The following JAM2 variants were observed in gnomAD, a reference collection of about 807,000 sequenced individuals.
The protein encoded by JAM2 is junctional adhesion molecule 2.
Under a neutral mutation model 42.0 loss-of-function variants are expected in JAM2, and 17 were observed. That is an observed-to-expected ratio of 0.40 (90% CI 0.28 to 0.61). JAM2 has a LOEUF of 0.61. JAM2 is among the 20% of genes least tolerant of loss of function. The pLI is 0.37. For synonymous variants in JAM2, 118 were observed against 128.6 expected, an observed-to-expected ratio of 0.92 and a Z score of 0.56; for missense variants, 319 against 358.3, an observed-to-expected ratio of 0.89 and a Z score of 0.89.
At chr21:25,641,814 C>T (rs2032452795) in intron 1 of JAM2, among the ~76,000 whole-genome samples, 1 of 152,044 alleles carries the variant, frequency 6.6e-6, no homozygotes, top group African/African-American at 2.4e-5. Flanking sequence ...TTTAGTTGTC[C>T]TGATTCCTTA....
rs574463086 is a variant in JAM2, at chr21:25,716,822, A to T, written c.*2150A>T. 92 of 152,276 alleles carry T rather than the reference A, an allele frequency of 6.0e-4. 1 individual carries two copies. Among genetic ancestry groups the T allele is most frequent in the African/African-American group, 2.1e-3 (87 of 41,550 alleles). 9.4% of individuals were successfully genotyped at this position (152,276 alleles called of 1,614,324 possible). A position where few individuals can be genotyped will look rare whatever the true frequency, so the allele number is the denominator to read the frequency against. Reference sequence around the variant, plus strand: ...TAAGAAATCAGGCTAAATGTTACCTATGTTTTGGTTGGAAGATTTCTTTGG... The same window carrying T: ...TAAGAAATCAGGCTAAATGTTACCTTTGTTTTGGTTGGAAGATTTCTTTGG... On this transcript the variant is annotated 3_prime_UTR_variant, in exon 10 of 10. Coordinates refer to ENST00000480456, the MANE Select transcript of JAM2 (RefSeq NM_021219.4).
intron 6 of JAM2, among the ~76,000 whole-genome samples, chr21:25,704,825 A>T (rs1184480413): frequency 6.6e-6 from 1 of 152,190 alleles, no homozygotes; most frequent in Admixed American, 6.5e-5. Flanking sequence ...CCTGTTACAT[A>T]GTTGTTTCCT....
intron 1 of JAM2, among the ~76,000 whole-genome samples, chr21:25,657,811 ATTATG>A (rs1568891548): frequency 6.6e-6 from 1 of 152,194 alleles, no homozygotes; most frequent in Non-Finnish European, 1.5e-5. Flanking sequence ...TTATAATAAA[ATTATG>A]TTATATGTAG....
intron 2 of JAM2, among the ~76,000 whole-genome samples, chr21:25,689,498 T>C (rs1601038190): frequency 6.6e-6 from 1 of 152,318 alleles, no homozygotes; most frequent in South Asian, 2.1e-4. Flanking sequence ...AGACTGACAC[T>C]GGGAATAATA....
At chr21:25,643,903 C>T (rs898589322) in intron 1 of JAM2, 1 of 152,140 alleles carries the variant, frequency 6.6e-6, no homozygotes, top group African/African-American at 2.4e-5. Context: ...TGTGGGCCTT[C>T]CTCATAGAGA....
At chr21:25,661,636 A>T (rs1429960424) in intron 1 of JAM2, among the ~76,000 whole-genome samples, 1 of 151,842 alleles carries the variant, frequency 6.6e-6, no homozygotes, top group African/African-American at 2.4e-5. Flanking sequence ...TATATAAATT[A>T]TATGTTTGTA....
intron 4 of JAM2, among the ~76,000 whole-genome samples, chr21:25,697,261 G>C (rs2034059183): frequency 6.6e-6 from 1 of 151,998 alleles, no homozygotes; most frequent in Non-Finnish European, 1.5e-5. Context: ...TCCTATCTTA[G>C]AGACAATGGT....
At chr21:25,656,036 A>C (rs2032931112) in intron 1 of JAM2, among the ~76,000 whole-genome samples, 1 of 150,942 alleles carries the variant, frequency 6.6e-6, no homozygotes, top group Non-Finnish European at 1.5e-5. Flanking sequence ...ACTGCATAGG[A>C]GCTACATTTT....
At chr21:25,712,274 G>A (rs763024101) in intron 8 of JAM2, 66 bp from the exon 9 acceptor site, 2 of 1,055,368 alleles carry the variant, frequency 1.9e-6, no homozygotes, top group South Asian at 1.3e-5. Flanking sequence ...TTAACTAAAA[G>A]AGCATATATG....
At chr21:25,683,776 T>C in intron 1 of JAM2, 107 bp from the exon 2 acceptor site, 5 of 749,910 alleles carry the variant, frequency 6.7e-6, no homozygotes, top group Non-Finnish European at 1.1e-5. Flanking sequence ...TTGGGTAAAC[T>C]TGTCACCAAA....
chr21:25,639,912 C>T (rs1343338818), intron 1 of JAM2, 24 bp downstream of exon 1: 1 of 1,537,902 alleles, frequency 6.5e-7, no homozygotes, highest in African/African-American at 1.4e-5. Flanking sequence ...GTTCCTCTAC[C>T]CTTCCTGCCT....
chr21:25,641,903 G>A (rs1201455914), intron 1 of JAM2, among the ~76,000 whole-genome samples: 2 of 152,124 alleles, frequency 1.3e-5, no homozygotes, highest in East Asian at 3.9e-4. Flanking sequence ...TTCTGGTCAA[G>A]TATCTGGTAG....
intron 9 of JAM2, among the ~76,000 whole-genome samples, chr21:25,713,814 G>A (rs1039372913): frequency 2.0e-5 from 3 of 152,164 alleles, no homozygotes; most frequent in East Asian, 1.9e-4. Context: ...GTGTGGAATC[G>A]AATACTCCCA....
chr21:25,699,029 AC>A, intron 5 of JAM2, 150 bp downstream of exon 5: 1 of 674,122 alleles, frequency 1.5e-6, no homozygotes, highest in South Asian at 1.9e-5. Flanking sequence ...CAGCACTTGT[AC>A]CACGAAGTGA....
chr21:25,708,157 A>G (rs188617007), intron 7 of JAM2, among the ~76,000 whole-genome samples: 2 of 152,272 alleles, frequency 1.3e-5, no homozygotes, highest in East Asian at 3.9e-4. Context: ...CTTTAAAAAT[A>G]TATTTTATGC....
rs183830194 is a variant in JAM2, at chr21:25,648,234, A to G, written c.67+8346A>G. Among the ~76,000 whole-genome samples the G allele has an allele frequency of 1.8e-3, 271 of 152,272 alleles. 2 individuals carry two copies. The highest frequency in any genetic ancestry group is 6.5e-3 in the African/African-American group (269 of 41,542). ...TCAAAAAAAAAAATTCACTAGATGC[A>G]TTTTCAAATAGGAATGGATTTTGAT... On this transcript the variant is annotated intron_variant, in intron 1 of 9. Transcript: ENST00000480456.
intron 1 of JAM2, among the ~76,000 whole-genome samples, chr21:25,683,328 A>G (rs1312809808): frequency 6.6e-6 from 1 of 152,158 alleles, no homozygotes; most frequent in Non-Finnish European, 1.5e-5. Flanking sequence ...AATCATTGAA[A>G]TGTTTTGGGG....
chr21:25,678,881 C>A (rs918632794), intron 1 of JAM2, among the ~76,000 whole-genome samples: 51 of 152,316 alleles, frequency 3.3e-4, no homozygotes, highest in Non-Finnish European at 1.8e-4. Context: ...CTCACTGCAG[C>A]TTCAAACGCC....
intron 1 of JAM2, among the ~76,000 whole-genome samples, chr21:25,649,485 C>G (rs1366528113): frequency 6.6e-6 from 1 of 152,176 alleles, no homozygotes; most frequent in African/African-American, 2.4e-5. Context: ...GTAACCACTT[C>G]CATGATTCAA....
Sources: gnomAD v4.1 joint callset for allele counts (sites outside exome capture counted in the v4.1 genomes callset) on GRCh38, gnomAD v4.1.1 for gene constraint, MANE v1.5 for transcripts, NCBI Gene and HGNC (gene_info 2026-07-23, HGNC 2026-07-21) for gene names.